Variants in SAG observed in about 807,000 individuals in gnomAD.
SAG encodes the protein S-arrestin.
Under a neutral mutation model 55.0 loss-of-function variants are expected in SAG, and 45 were observed. That is an observed-to-expected ratio of 0.82 (90% CI 0.64 to 1.05). The LOEUF (loss-of-function observed/expected upper bound fraction) is 1.05, where lower values mean the gene tolerates loss of function less well. Ranked by LOEUF, SAG falls within the 50% of genes least tolerant of loss-of-function variation. The probability of loss-of-function intolerance (pLI) is 0.00; values close to 1 mark genes in which losing one functional copy is unlikely to be tolerated. For missense variants in SAG, 455 were observed against 512.1 expected (o/e 0.89, Z 1.08); for synonymous variants, 189 against 197.4 (o/e 0.96, Z 0.36).
chr2:233,310,642 G>C (rs555151007), intron 2 of SAG, among the ~76,000 whole-genome samples: 2 of 152,070 alleles, frequency 1.3e-5, no homozygotes, highest in African/African-American at 4.8e-5. Context: ...TAGTAGCTGG[G>C]ACTACAGGCA....
chr2:233,343,845 T>C, intron 14 of SAG: 1 of 777,686 alleles, frequency 1.3e-6, no homozygotes, highest in Non-Finnish European at 1.6e-6. Context: ...TCTATATTGG[T>C]AGTGAAATGC....
intron 10 of SAG, chr2:233,333,461 C>G (rs1048898536): frequency 1.9e-4 from 29 of 152,236 alleles, no homozygotes; most frequent in African/African-American, 7.0e-4. Flanking sequence ...GCTGGAGGAG[C>G]CTGGGAGCTG....
chr2:233,333,071 C>G (rs1004696080), intron 10 of SAG: 1 of 152,452 alleles, frequency 6.6e-6, no homozygotes, highest in African/African-American at 2.4e-5. Flanking sequence ...GCTGAAATTA[C>G]AGGCGTGAGC....
Position 233,346,900 on chromosome 2 carries a change from C to T in SAG, c.1206C>T (p.Asp402=), listed in dbSNP as rs763213806. The T allele has an allele frequency of 1.2e-5, 19 of 1,604,080 alleles. No homozygotes were observed. Among genetic ancestry groups the T allele is most frequent in the South Asian group, 4.4e-5 (4 of 90,346 alleles). ...AGGAGGGGAAGAGAGACAAGAATGA[C>T]GTTGATGAGTGAAGATGTCGGCTCA... ...EAEEGKRDKN[D]VDE The change falls in exon 16 of 16, where the codon GAC becomes GAT. Residue 402 remains aspartate, a synonymous_variant. Transcript: ENST00000409110.
chr2:233,343,226 G>A (rs1399611938), intron 14 of SAG: 1 of 153,434 alleles, frequency 6.5e-6, no homozygotes, highest in Non-Finnish European at 1.4e-5. Context: ...GGGATTACAG[G>A]CGCCTGCCAC....
rs1306356325 is a variant in SAG at position 233,342,397 on chromosome 2, GTCTT to G, written c.1102+76_1102+79del. On this transcript the variant is annotated intron_variant, in intron 14 of 15. Coordinates refer to ENST00000409110, the MANE Select transcript of SAG (RefSeq NM_000541.5). The stretch of plus-strand genomic sequence containing the variant: ...CAGATTTATTGTTGATGTATTTCTA[GTCTT>G]TCTTGACCGCATCTCAGAGCATGGG... 3.2e-6 allele frequency: 4 copies of G among 1,266,824 alleles called. No individual in the cohort carries two copies. In the African/African-American group the frequency reaches 5.9e-5, roughly 19 times the overall value. 78.5% of individuals were successfully genotyped at this position (1,266,824 alleles called of 1,614,324 possible). A position where few individuals can be genotyped will look rare whatever the true frequency, so the allele number is the denominator to read the frequency against.
chr2:233,321,992 CACACACACACACA>C (rs1700394911), intron 5 of SAG, among the ~76,000 whole-genome samples: 1 of 20,230 alleles, frequency 4.9e-5, no homozygotes, highest in Admixed American at 3.2e-4. Flanking sequence ...AAAATACACA[CACACACACACACA>C]CACACACACA....
Position 233,319,623 on chromosome 2 carries a change from C to A in SAG, c.181+828C>A, listed in dbSNP as rs1336876792. On this transcript the variant is annotated intron_variant, in intron 4 of 15. Coordinates refer to ENST00000409110, the MANE Select transcript of SAG (RefSeq NM_000541.5). This position sits in a 1 kb window ranked among gnomAD's most constrained non-coding sequence, Gnocchi z 4.4. Reference sequence around the variant, plus strand: ...TGGCTGAAATGGGGCCCCAAACGGCCCCCTCTGTCCTCTCCACCTTCCTCC... The same window carrying A: ...TGGCTGAAATGGGGCCCCAAACGGCACCCTCTGTCCTCTCCACCTTCCTCC... 17 of 986,578 alleles carry A rather than the reference C, an allele frequency of 1.7e-5. No homozygotes were observed. Among genetic ancestry groups the A allele is most frequent in the Non-Finnish European group, 2.0e-5 (17 of 830,806 alleles). 61.1% of individuals were successfully genotyped at this position (986,578 alleles called of 1,614,324 possible). A position where few individuals can be genotyped will look rare whatever the true frequency, so the allele number is the denominator to read the frequency against.
intron 2 of SAG, among the ~76,000 whole-genome samples, chr2:233,311,854 G>A (rs945805583): frequency 3.9e-5 from 6 of 152,232 alleles, no homozygotes; most frequent in Non-Finnish European, 8.8e-5. Flanking sequence ...AGCCAGGCGC[G>A]GTGGTTTATG....
chr2:233,328,457 G>C, intron 7 of SAG, 21 bp from the exon 8 acceptor site: 1 of 1,608,906 alleles, frequency 6.2e-7, no homozygotes, highest in Non-Finnish European at 8.5e-7. Flanking sequence ...TCCCTGGCTT[G>C]TCTGTGGCTG....
intron 5 of SAG, among the ~76,000 whole-genome samples, chr2:233,322,030 CACACACAT>C (rs2125329666): frequency 9.4e-6 from 1 of 106,716 alleles, no homozygotes; most frequent in South Asian, 3.3e-4. Context: ...CACACACACA[CACACACAT>C]TAGTCAGGCG....
chr2:233,333,100 T>A (rs1247843198), intron 10 of SAG: 3 of 152,260 alleles, frequency 2.0e-5, no homozygotes, highest in African/African-American at 7.2e-5. Flanking sequence ...CTGGCCTATA[T>A]GGGAATATTT....
At chr2:233,326,676 G>A (rs1018674826) in intron 6 of SAG, among the ~76,000 whole-genome samples, 1 of 152,198 alleles carries the variant, frequency 6.6e-6, no homozygotes, top group Non-Finnish European at 1.5e-5. Flanking sequence ...GTGACCATGG[G>A]GGTCAGGGTT....
At chr2:233,341,691 A>G (rs570272707) in intron 13 of SAG, among the ~76,000 whole-genome samples, 1 of 152,372 alleles carries the variant, frequency 6.6e-6, no homozygotes, top group South Asian at 2.1e-4. Flanking sequence ...CAGGGACTAT[A>G]GGGAGGGAAA....
At chr2:233,318,830 G>C (rs1275074750) in intron 4 of SAG, 35 bp downstream of exon 4, 1 of 1,590,674 alleles carries the variant, frequency 6.3e-7, no homozygotes, top group South Asian at 1.1e-5. Flanking sequence ...GCTGGTTTCT[G>C]GGCGGAGTGG....
At chr2:233,331,309 T>G (rs964892868) in intron 9 of SAG, among the ~76,000 whole-genome samples, 4 of 152,132 alleles carry the variant, frequency 2.6e-5, no homozygotes, top group Non-Finnish European at 4.4e-5. Flanking sequence ...AGCTAGTCTC[T>G]TGGAGGACAG....
intron 14 of SAG, chr2:233,345,307 C>G (rs1019750684): frequency 6.6e-6 from 1 of 152,266 alleles, no homozygotes; most frequent in Non-Finnish European, 1.5e-5. Context: ...AATGCACACT[C>G]TAACCCTGGG....
At chr2:233,320,581 G>A in intron 4 of SAG, 49 bp from the exon 5 acceptor site, 1 of 1,432,666 alleles carries the variant, frequency 7.0e-7, no homozygotes, top group Non-Finnish European at 9.4e-7. Flanking sequence ...AGTGGTGGTG[G>A]GTGCCAGGCC....
Position 233,320,090 on chromosome 2 carries a change from C to A in SAG, c.182-540C>A, listed in dbSNP as rs543679550. 43 of 652,294 alleles carry A rather than the reference C, an allele frequency of 6.6e-5. 1 individual carries two copies. The South Asian group carries it at 2.8e-3, about 42-fold the overall frequency. The allele number at this position is 652,294 out of a possible 1,614,324, so 40.4% of individuals were successfully genotyped here. On this transcript the variant is annotated intron_variant, in intron 4 of 15. Transcript: ENST00000409110. ...GAATGCTCAGTATGTTTCAGAGCAG[C>A]GTGAAAAGGAGGCTGGAACTTGAGC...
Sources: gnomAD v4.1 joint callset for allele counts (sites outside exome capture counted in the v4.1 genomes callset) on GRCh38, gnomAD v4.1.1 for gene constraint, Gnocchi (gnomAD v3.1) non-coding constraint, MANE v1.5 for transcripts, NCBI Gene and HGNC (gene_info 2026-07-23, HGNC 2026-07-21) for gene names.